The following NCAPD2 variants were observed in gnomAD, a reference collection of about 807,000 sequenced individuals.
NCAPD2 encodes the protein non-SMC condensin I complex subunit D2, also known as condensin complex subunit 1.
NCAPD2 carries 100 observed loss-of-function variants against 164.5 expected under a neutral mutation model. The ratio of observed to expected loss-of-function variants is 0.61; its 90% CI spans 0.52 to 0.72. The LOEUF is 0.72. Ranked by LOEUF, NCAPD2 falls within the 30% of genes least tolerant of loss-of-function variation. The pLI, the probability that NCAPD2 is intolerant of heterozygous loss-of-function variation, is 0.00. For missense variants in NCAPD2, 1,560 were observed against 1,749.2 expected (o/e 0.89, Z 1.93); for synonymous variants, 585 against 642.6 (o/e 0.91, Z 1.36).
intron 2 of NCAPD2, among the ~76,000 whole-genome samples, chr12:6,505,422 C>T (rs1011219600): frequency 9.9e-5 from 15 of 152,146 alleles, no homozygotes; most frequent in African/African-American, 3.6e-4. Flanking sequence ...ATTAACATCT[C>T]AGAGTTTTTA....
At chr12:6,508,475 C>A (rs1416503939) in intron 2 of NCAPD2, among the ~76,000 whole-genome samples, 1 of 152,150 alleles carries the variant, frequency 6.6e-6, no homozygotes, top group Non-Finnish European at 1.5e-5. Context: ...AGACAAATAT[C>A]CCTAAGTCCA....
intron 2 of NCAPD2, among the ~76,000 whole-genome samples, chr12:6,495,524 T>C (rs370426917): frequency 5.3e-5 from 8 of 152,278 alleles, no homozygotes; most frequent in African/African-American, 1.9e-4. Context: ...TCCTGGTGGA[T>C]TTAAGAGTTA....
At chr12:6,504,193 A>ATATATG (rs1946070211) in intron 2 of NCAPD2, among the ~76,000 whole-genome samples, 1 of 28,548 alleles carries the variant, frequency 3.5e-5, no homozygotes, top group Non-Finnish European at 5.2e-5. Context: ...ATATATATAT[A>ATATATG]TATATATATA....
chr12:6,498,386 G>T (rs1946003550), intron 2 of NCAPD2, among the ~76,000 whole-genome samples: 1 of 152,126 alleles, frequency 6.6e-6, no homozygotes, highest in South Asian at 2.1e-4. Flanking sequence ...AAACAAAACA[G>T]ACAAAATGAC....
At chr12:6,520,845 T>C (rs1946257200) in intron 13 of NCAPD2, 141 bp from the exon 14 acceptor site, 9 of 1,070,068 alleles carry the variant, frequency 8.4e-6, no homozygotes, top group Non-Finnish European at 1.2e-5. Flanking sequence ...TAGTAGGTGC[T>C]GTAACAACTT....
At chr12:6,525,849 G>A (rs1328878142) in intron 18 of NCAPD2, 133 bp downstream of exon 18, 1 of 1,336,516 alleles carries the variant, frequency 7.5e-7, no homozygotes, top group Non-Finnish European at 1.0e-6. Context: ...CCACCTAAAT[G>A]GAAAAGCAAA....
In NCAPD2 at chr12:6,528,692, G is replaced by T; in HGVS notation, c.3313G>T (p.Ala1105Ser). ...TTCCATTCCTAGTCTCCGGGACCCT[G>T]CTCAGCAAGTGCGGAAAACAGCGGG... ...PHLYARLRDP[A>S]QQVRKTAGLV... The change falls in exon 26 of 32, where the codon GCT (alanine) becomes TCT (serine). Residue 1105 changes from alanine to serine, a missense_variant. Ala to Ser is a moderately conservative substitution (Grantham distance 99). Transcript: ENST00000315579. This position sits in a 1 kb window ranked among gnomAD's most constrained non-coding sequence, Gnocchi z 5.1. 1 of 1,612,538 alleles carries T rather than the reference G, an allele frequency of 6.2e-7. No homozygotes were observed. Among genetic ancestry groups the T allele is most frequent in the East Asian group, 2.2e-5 (1 of 44,826 alleles).
Position 6,523,362 on chromosome 12 carries a change from T to G in NCAPD2, c.2214+16T>G, listed in dbSNP as rs1592175598. Reference sequence around the variant, plus strand: ...TGAGGAAATTGTAAGGCTTCCTGCTTTCTCTTTCTTTATTCATTCAACAAG... The same window carrying G: ...TGAGGAAATTGTAAGGCTTCCTGCTGTCTCTTTCTTTATTCATTCAACAAG... On this transcript the variant is annotated intron_variant, in intron 17 of 31. Coordinates refer to ENST00000315579, the MANE Select transcript of NCAPD2 (RefSeq NM_014865.4). The G allele has an allele frequency of 6.3e-7, 1 of 1,583,520 alleles. No homozygotes were observed. The highest frequency in any genetic ancestry group is 2.2e-5 in the East Asian group (1 of 44,752).
chr12:6,517,959 A>G lies in NCAPD2; in HGVS notation c.1589A>G (p.Lys530Arg). ...CAACTGCTTGCCAAAGCTAGTTACA[A>G]GTAGGCAAAAGAATGGGATATTCTT... is the stretch of plus-strand genomic sequence containing the variant. The part of the protein sequence containing the change: ...IYQLLAKASY[K>R]KAIILTREAT... The change falls in exon 13 of 32, where the codon AAA becomes AGA. Residue 530 changes from lysine (K) to arginine (R), a missense_variant and splice_region_variant. Physicochemically the swap from Lys to Arg is conservative, Grantham distance 26. Coordinates refer to ENST00000315579, the MANE Select transcript of NCAPD2 (RefSeq NM_014865.4). 6.2e-7 allele frequency: 1 copy of G among 1,613,218 alleles called. No individual in the cohort carries two copies. The highest frequency in any genetic ancestry group is 1.1e-5 in the South Asian group (1 of 90,992).
chr12:6,501,007 T>C (rs1397129300), intron 2 of NCAPD2, among the ~76,000 whole-genome samples: 2 of 151,762 alleles, frequency 1.3e-5, no homozygotes, highest in Admixed American at 6.6e-5. Context: ...ATGGATTGGA[T>C]TGGATTATAG....
chr12:6,511,149 T>G lies in NCAPD2; in HGVS notation c.484T>G (p.Trp162Gly). The G allele has an allele frequency of 1.9e-6, 3 of 1,614,166 alleles. No homozygotes were observed. In the South Asian group the frequency reaches 3.3e-5, roughly 18 times the overall value. The change falls in exon 6 of 32, where the codon TGG becomes GGG. Residue 162 changes from tryptophan (W) to glycine (G), a missense_variant. By Grantham distance (184) the Trp-to-Gly change is radical (BLOSUM62 -2). Coordinates refer to ENST00000315579, the MANE Select transcript of NCAPD2 (RefSeq NM_014865.4). ...GACCAAGGCAGCCCATGGCTTTGAC[T>G]GGGAAGAAGAGAGGCAACCAATTCT... The part of the protein sequence containing the change: ...ARTKAAHGFD[W>G]EEERQPILQL...
intron 6 of NCAPD2, among the ~76,000 whole-genome samples, chr12:6,513,377 C>CA (rs1946169145): frequency 1.3e-5 from 2 of 151,926 alleles, no homozygotes; most frequent in Admixed American, 1.3e-4. Flanking sequence ...TGTGTCTCTA[C>CA]AAAAAATAGA....
chr12:6,530,993 C>T lies in NCAPD2; in HGVS notation c.4037C>T (p.Thr1346Ile). ...DFVTPEPRRTTRRHPNTQQRA... is the reference protein window; with the variant it reads ...DFVTPEPRRTIRRHPNTQQRA... The stretch of plus-strand genomic sequence containing the variant: ...GTCACACCAGAGCCCCGCCGTACTA[C>T]CCGTCGGCATCCAAACACCCAGCAG... The change falls in exon 31 of 32, where the codon ACC becomes ATC. Residue 1346 changes from threonine (T) to isoleucine (I), a missense_variant. Physicochemically the swap from Thr to Ile is moderately conservative, Grantham distance 89 (BLOSUM62 -1). Transcript: ENST00000315579. 6 of 1,614,226 alleles carry T rather than the reference C, an allele frequency of 3.7e-6. No individual in the cohort carries two copies. Among genetic ancestry groups the T allele is most frequent in the Non-Finnish European group, 5.1e-6 (6 of 1,180,038 alleles).
At chr12:6,494,278 CTG>C (rs1945954149) in intron 1 of NCAPD2, 124 bp downstream of exon 1, 1 of 152,114 alleles carries the variant, frequency 6.6e-6, no homozygotes, top group African/African-American at 2.4e-5. Context: ...GTGTGAGAAA[CTG>C]TAAGTCTGAC....
intron 17 of NCAPD2, among the ~76,000 whole-genome samples, chr12:6,524,224 C>T (rs533176845): frequency 3.9e-5 from 6 of 152,096 alleles, no homozygotes; most frequent in African/African-American, 1.4e-4. Flanking sequence ...AGGACTTAAG[C>T]TGGGTCTTGA....
At chr12:6,521,736 A>G (rs1946265009) in intron 14 of NCAPD2, 62 bp from the exon 15 acceptor site, 1 of 1,556,920 alleles carries the variant, frequency 6.4e-7, no homozygotes. Context: ...GAATGTTGAC[A>G]GCTGTTGGAT....
intron 6 of NCAPD2, among the ~76,000 whole-genome samples, chr12:6,511,595 C>T (rs1946147698): frequency 6.6e-6 from 1 of 151,912 alleles, no homozygotes; most frequent in Non-Finnish European, 1.5e-5. Context: ...CCCCAAAGTG[C>T]TGGGATTACA....
At position 6,517,660 on chromosome 12, in the gene NCAPD2, C is replaced by T; in HGVS notation, c.1385C>T (p.Ala462Val). Reference sequence around the variant, plus strand: ...ACCCAGAAATTACAAGAGATGAGGGCCCAGAGGCGAACTGCAGCAGCTTGT... The same window carrying T: ...ACCCAGAAATTACAAGAGATGAGGGTCCAGAGGCGAACTGCAGCAGCTTGT... ...KETQKLQEMR[A>V]QRRTAAASAV... The change falls in exon 12 of 32, where the codon GCC becomes GTC. Residue 462 changes from alanine to valine, a missense_variant. Physicochemically the swap from Ala to Val is moderately conservative, Grantham distance 64 (BLOSUM62 0). Transcript: ENST00000315579. The T allele has an allele frequency of 6.2e-7, 1 of 1,614,238 alleles. No individual in the cohort carries two copies. The highest frequency in any genetic ancestry group is 8.5e-7 in the Non-Finnish European group (1 of 1,180,052).
intron 2 of NCAPD2, among the ~76,000 whole-genome samples, chr12:6,498,063 A>T (rs556665834): frequency 6.6e-6 from 1 of 151,922 alleles, no homozygotes; most frequent in Non-Finnish European, 1.5e-5. Flanking sequence ...GCATGTGCCA[A>T]CATGCACTGC....
Sources: allele counts gnomAD v4.1 joint callset (sites outside exome capture counted in the v4.1 genomes callset), GRCh38; gene constraint gnomAD v4.1.1; non-coding constraint Gnocchi (gnomAD v3.1); transcripts MANE v1.5; gene names NCBI Gene and HGNC (gene_info 2026-07-23, HGNC 2026-07-21).